MYO7A: variants seen among roughly 807,000 people sequenced by gnomAD.
MYO7A encodes unconventional myosin-VIIa.
Under a neutral mutation model 263.8 loss-of-function variants are expected in MYO7A, and 210 were observed. That is an observed-to-expected ratio of 0.80 (90% CI 0.71 to 0.89). MYO7A has a LOEUF of 0.89. MYO7A is among the 40% of genes least tolerant of loss of function. The probability of loss-of-function intolerance (pLI) is 0.00; values close to 1 mark genes in which losing one functional copy is unlikely to be tolerated. For synonymous variants in MYO7A, 1,239 were observed against 1,197.3 expected, an observed-to-expected ratio of 1.03 and a Z score of -0.72; for missense variants, 2,820 against 2,968.3, an observed-to-expected ratio of 0.95 and a Z score of 1.16.
At chr11:77,178,897 C>T in intron 19 of MYO7A, 148 bp from the exon 20 acceptor site, 1 of 633,718 alleles carries the variant, frequency 1.6e-6, no homozygotes, top group East Asian at 2.8e-5. Context: ...GATGAGGAAG[C>T]TGAGGCACAG....
chr11:77,169,647 A>T (rs904762782), intron 15 of MYO7A, among the ~76,000 whole-genome samples: 1 of 152,220 alleles, frequency 6.6e-6, no homozygotes, highest in Middle Eastern at 3.2e-3. Context: ...AGAAACCCAG[A>T]TGGCTACCTA....
At chr11:77,171,436 C>A (rs1555075913) in intron 15 of MYO7A, among the ~76,000 whole-genome samples, 1 of 152,196 alleles carries the variant, frequency 6.6e-6, no homozygotes, top group African/African-American at 2.4e-5. Context: ...AAATACTCCC[C>A]AGCTTCTCTG....
intron 32 of MYO7A, among the ~76,000 whole-genome samples, chr11:77,196,258 T>C (rs1181328604): frequency 1.3e-5 from 2 of 151,666 alleles, no homozygotes; most frequent in East Asian, 3.9e-4. Flanking sequence ...TCCTAGCTAC[T>C]CGGAGACTGA....
intron 4 of MYO7A, among the ~76,000 whole-genome samples, 180 bp from the exon 5 acceptor site, chr11:77,155,727 G>A (rs950605147): frequency 5.9e-5 from 9 of 152,178 alleles, no homozygotes; most frequent in Non-Finnish European, 1.2e-4. Context: ...CCCAGTGCTG[G>A]ACAGAAGGCC....
At position 77,172,858 on chromosome 11, in the gene MYO7A, C is replaced by T; in HGVS notation, c.1908C>T (p.Ile636=). 1 of 1,552,136 alleles carries T rather than the reference C, an allele frequency of 6.4e-7. No homozygotes were observed. The highest frequency in any genetic ancestry group is 8.7e-7 in the Non-Finnish European group (1 of 1,147,278). ...GCCAGCCCTTCTTTGTGCGATGCATCAAGCCCAATGAGTTCAAGAAGCCCA... is the reference window on the plus strand; with the variant it reads ...GCCAGCCCTTCTTTGTGCGATGCATTAAGCCCAATGAGTTCAAGAAGCCCA... ...GACQPFFVRC[I]KPNEFKKPML... is the part of the protein sequence containing the mutation. Residue 636 remains isoleucine (I), a synonymous_variant, in exon 16 of 49, where the codon ATC becomes ATT. Transcript: ENST00000409709.
intron 42 of MYO7A, among the ~76,000 whole-genome samples, 193 bp downstream of exon 42, chr11:77,207,595 GCACATGGCTCAAA>G (rs1452445387): frequency 6.6e-6 from 1 of 152,130 alleles, no homozygotes; most frequent in Non-Finnish European, 1.5e-5. Flanking sequence ...CTGAGGCACT[GCACATGGCTCAAA>G]CCCTCTTAGG....
At chr11:77,155,118 A>G (rs1172190346) in intron 4 of MYO7A, among the ~76,000 whole-genome samples, 3 of 152,026 alleles carry the variant, frequency 2.0e-5, no homozygotes, top group Non-Finnish European at 2.9e-5. Context: ...GAGGAGGGAG[A>G]AGTAACCCTG....
chr11:77,157,462 A>G lies in MYO7A; in HGVS notation c.849+70A>G, dbSNP rs561662123. On this transcript the variant is annotated intron_variant, in intron 8 of 48. Coordinates refer to ENST00000409709, the MANE Select transcript of MYO7A (RefSeq NM_000260.4). ...GATTGTAGGGAGCTGGCTACTGCAG[A>G]CTCAGCCTTGAGGTCTCACTGGTCA... The G allele has an allele frequency of 6.4e-6, 7 of 1,093,730 alleles. No homozygotes were observed. The East Asian group carries it at 1.8e-4, about 28-fold the overall frequency. The allele number at this position is 1,093,730 out of a possible 1,614,324, so 67.8% of individuals were successfully genotyped here. A position where few individuals can be genotyped will look rare whatever the true frequency, so the allele number is the denominator to read the frequency against.
intron 22 of MYO7A, 82 bp downstream of exon 22, chr11:77,180,563 C>T (rs1361399372): frequency 2.1e-5 from 26 of 1,217,922 alleles, no homozygotes; most frequent in East Asian, 5.1e-5. Context: ...ATCTGTCACC[C>T]GGTGCTGCAG....
intron 3 of MYO7A, 101 bp from the exon 4 acceptor site, chr11:77,147,697 G>A (rs1951669161): frequency 6.7e-7 from 1 of 1,491,664 alleles, no homozygotes; most frequent in South Asian, 1.2e-5. Context: ...GCCCTTACCC[G>A]GGTTGGCACT....
rs782157346 is a variant in MYO7A, at chr11:77,158,366, C to T, written c.939C>T (p.Thr313=). The change falls in exon 9 of 49, where the codon ACC becomes ACT. Residue 313 remains threonine, a synonymous_variant. Coordinates refer to ENST00000409709, the MANE Select transcript of MYO7A (RefSeq NM_000260.4). ...TGAAGGTGCTCATGTTCACTGACAC[C>T]GAGAACTGGGAGATCTCGAAGCTCC... ...SAMKVLMFTD[T]ENWEISKLLA... 3.1e-6 allele frequency: 5 copies of T among 1,613,358 alleles called. No homozygotes were observed. Among genetic ancestry groups the T allele is most frequent in the South Asian group, 1.1e-5 (1 of 91,070 alleles).
chr11:77,194,264 C>A, intron 31 of MYO7A, 90 bp from the exon 32 acceptor site: 1 of 1,445,108 alleles, frequency 6.9e-7, no homozygotes, highest in Non-Finnish European at 9.5e-7. Context: ...GGAGGCAGGG[C>A]CAGGAGAGGG....
chr11:77,137,986 CAT>C (rs1950973497), intron 2 of MYO7A, among the ~76,000 whole-genome samples: 1 of 152,180 alleles, frequency 6.6e-6, no homozygotes, highest in African/African-American at 2.4e-5. Context: ...CCATGGAAAA[CAT>C]AGAAAAAAAC....
At chr11:77,201,674 G>T in intron 36 of MYO7A, 36 bp downstream of exon 36, 2 of 1,598,100 alleles carry the variant, frequency 1.3e-6, no homozygotes, top group Non-Finnish European at 8.6e-7. Context: ...GGTGGGAGGT[G>T]CCATTAGACC....
chr11:77,172,510 C>A (rs1591336917), intron 15 of MYO7A, among the ~76,000 whole-genome samples: 1 of 152,164 alleles, frequency 6.6e-6, no homozygotes, highest in African/African-American at 2.4e-5. Context: ...GGTTCACTTC[C>A]CCCTCGCCCA....
rs773557376 is a variant in MYO7A at position 77,203,156 on chromosome 11, G to A, written c.5265G>A (p.Ala1755=). The A allele has an allele frequency of 2.4e-5, 37 of 1,551,140 alleles. No individual in the cohort carries two copies. Among genetic ancestry groups the A allele is most frequent in the South Asian group, 2.3e-4 (19 of 84,068 alleles). The change falls in exon 38 of 49, where the codon GCG becomes GCA. Residue 1755 remains alanine, a synonymous_variant. Coordinates refer to ENST00000409709, the MANE Select transcript of MYO7A (RefSeq NM_000260.4). ...WSHTREPLKQ[A]LLKKLLGSEE... ...ACACGCGGGAACCGCTCAAGCAGGC[G>A]CTGCTCAAGAAGCTCCTGGGCAGTG...
intron 35 of MYO7A, among the ~76,000 whole-genome samples, chr11:77,200,796 G>A (rs747921153): frequency 6.6e-5 from 10 of 152,148 alleles, no homozygotes; most frequent in Admixed American, 2.6e-4. Flanking sequence ...GTTAGATCAG[G>A]GTCCTCCTCA....
Position 77,205,508 on chromosome 11 carries a change from CT to C in MYO7A, c.5531del (p.Phe1844SerfsTer35). On this transcript the variant is annotated frameshift_variant, in exon 40 of 49. Transcript: ENST00000409709. LOFTEE classifies it high-confidence loss of function. ...GWELLWLCTG[L>X]FPPSNILLPH... The stretch of plus-strand genomic sequence containing the variant: ...GGAGCTGCTCTGGCTGTGCACGGGC[CT>C]TTTCCCACCCAGCAACATCCTCCTG... 1.3e-6 allele frequency: 2 copies of C among 1,599,666 alleles called. No homozygotes were observed. The highest frequency in any genetic ancestry group is 1.1e-5 in the South Asian group (1 of 88,158).
chr11:77,212,729 G>A, intron 46 of MYO7A: 1 of 593,624 alleles, frequency 1.7e-6, no homozygotes, highest in Admixed American at 2.9e-5. Context: ...GGGCTGAGAG[G>A]GAGGACAAAG....
Sources: gnomAD v4.1 joint callset for allele counts (sites outside exome capture counted in the v4.1 genomes callset) on GRCh38, gnomAD v4.1.1 for gene constraint, MANE v1.5 for transcripts, NCBI Gene and HGNC (gene_info 2026-07-23, HGNC 2026-07-21) for gene names.